The following CADM2 variants were observed in gnomAD, a reference collection of about 807,000 sequenced individuals.
CADM2 encodes cell adhesion molecule 2, also known as immunoglobulin superfamily member 4D.
In CADM2, 12 loss-of-function variants were observed where a neutral mutation model predicts 49.8. That is an observed-to-expected ratio of 0.24 (90% confidence interval 0.15 to 0.39). CADM2 has a LOEUF of 0.39. CADM2 is among the 10% of genes least tolerant of loss of function. The probability of loss-of-function intolerance (pLI) is 1.00; values close to 1 mark genes in which losing one functional copy is unlikely to be tolerated. For synonymous variants in CADM2, 214 were observed against 175.4 expected, an observed-to-expected ratio of 1.22 and a Z score of -1.74; for missense variants, 378 against 492.3, an observed-to-expected ratio of 0.77 and a Z score of 2.20.
chr3:85,832,583 A>T (rs1421888575), intron 3 of CADM2, among the ~76,000 whole-genome samples: 2 of 151,470 alleles, frequency 1.3e-5, no homozygotes, highest in Non-Finnish European at 3.0e-5. Flanking sequence ...GCATGGGATC[A>T]TGTTCTTGAT....
At chr3:85,729,135 A>T (rs1301473577) in intron 2 of CADM2, among the ~76,000 whole-genome samples, 1 of 152,100 alleles carries the variant, frequency 6.6e-6, no homozygotes, top group Non-Finnish European at 1.5e-5. Flanking sequence ...CCTGATGAAC[A>T]TATTATATTC....
At chr3:86,041,639 T>C (rs965680730) in intron 8 of CADM2, among the ~76,000 whole-genome samples, 1 of 152,126 alleles carries the variant, frequency 6.6e-6, no homozygotes, top group African/African-American at 2.4e-5. Context: ...AATGGGAGAC[T>C]TTAACACCCC....
At chr3:85,416,821 A>G (rs1030278082) in intron 1 of CADM2, among the ~76,000 whole-genome samples, 2 of 152,206 alleles carry the variant, frequency 1.3e-5, no homozygotes, top group African/African-American at 4.8e-5. Context: ...ACTATCATCA[A>G]TGAACAATTC....
chr3:85,161,944 G>C (rs1216352948), intron 1 of CADM2, among the ~76,000 whole-genome samples: 4 of 152,082 alleles, frequency 2.6e-5, no homozygotes, highest in African/African-American at 9.7e-5. Context: ...GGGATGGGGA[G>C]GTTGCAGTGA....
intron 6 of CADM2, among the ~76,000 whole-genome samples, chr3:85,927,236 T>G (rs915725523): frequency 3.3e-5 from 5 of 152,204 alleles, no homozygotes; most frequent in Non-Finnish European, 5.9e-5. Context: ...AAAAGACCAT[T>G]ATTCATTTAT....
At chr3:85,997,617 AT>A (rs1256506767) in intron 8 of CADM2, among the ~76,000 whole-genome samples, 1 of 152,170 alleles carries the variant, frequency 6.6e-6, no homozygotes, top group Non-Finnish European at 1.5e-5. Context: ...ACTATGTTTG[AT>A]GAATTTTAGA....
rs7629531 is a variant in CADM2 at position 86,013,038 on chromosome 3, T to C, written c.970+51391T>C. On this transcript the variant is annotated intron_variant, in intron 8 of 9. Coordinates refer to ENST00000383699, the MANE Select transcript of CADM2 (RefSeq NM_001167675.2). Reference sequence around the variant, plus strand: ...TCGATTATGTGCCAAACATGAGACCTCTATGATCTGTAGAACTAGTCCTTA... The same window carrying C: ...TCGATTATGTGCCAAACATGAGACCCCTATGATCTGTAGAACTAGTCCTTA... The C allele has an allele frequency of 7.8e-3, 8,652 of 1,106,498 alleles. 206 individuals carry two copies. Among genetic ancestry groups the C allele is most frequent in the African/African-American group, 0.062 (4,027 of 65,214 alleles). 68.5% of individuals were successfully genotyped at this position (1,106,498 alleles called of 1,614,324 possible).
At chr3:85,246,555 C>T (rs1360146165) in intron 1 of CADM2, among the ~76,000 whole-genome samples, 1 of 151,996 alleles carries the variant, frequency 6.6e-6, no homozygotes, top group Non-Finnish European at 1.5e-5. Flanking sequence ...GGTTATTTAG[C>T]ATTTCTTATT....
At chr3:85,853,577 T>A (rs1211388484) in intron 3 of CADM2, among the ~76,000 whole-genome samples, 1 of 151,944 alleles carries the variant, frequency 6.6e-6, no homozygotes, top group Non-Finnish European at 1.5e-5. Context: ...TTAATACCAC[T>A]TATAAATTTG....
intron 1 of CADM2, among the ~76,000 whole-genome samples, chr3:85,308,309 CT>C (rs2107031410): frequency 8.3e-6 from 1 of 119,960 alleles, no homozygotes; most frequent in African/African-American, 4.1e-5. Context: ...ATCTACCTCT[CT>C]ACACACACAC....
intron 1 of CADM2, among the ~76,000 whole-genome samples, chr3:85,696,288 T>C (rs73147222): frequency 0.027 from 4,144 of 152,188 alleles, 141 homozygotes; most frequent in African/African-American, 0.068. Context: ...CATTTATTTA[T>C]TGTTATTTTG....
At chr3:85,409,054 G>A (rs2035536967) in intron 1 of CADM2, among the ~76,000 whole-genome samples, 1 of 152,046 alleles carries the variant, frequency 6.6e-6, no homozygotes, top group Non-Finnish European at 1.5e-5. Flanking sequence ...TCACTTCATT[G>A]TGGTTTACTT....
At position 86,068,180 on chromosome 3, in the gene CADM2, C is replaced by G. The variant is rs925786735; in HGVS notation, c.*1397C>G. 3 of 152,372 alleles carry G rather than the reference C, an allele frequency of 2.0e-5. No homozygotes were observed. The highest frequency in any genetic ancestry group is 4.4e-5 in the Non-Finnish European group (3 of 67,842). 9.4% of individuals were successfully genotyped at this position (152,372 alleles called of 1,614,324 possible). A position where few individuals can be genotyped will look rare whatever the true frequency, so the allele number is the denominator to read the frequency against. On this transcript the variant is annotated 3_prime_UTR_variant, in exon 10 of 10. Transcript: ENST00000383699. ...TGAAACAGTGAGTGATAGAGAATTT[C>G]TGCCATGCTTTTAACTCCAAAGTGA...
intron 1 of CADM2, among the ~76,000 whole-genome samples, chr3:85,374,422 G>T (rs2033464714): frequency 6.6e-6 from 1 of 152,038 alleles, no homozygotes; most frequent in Non-Finnish European, 1.5e-5. Context: ...CATTCAACAA[G>T]TCTGTAGGAT....
chr3:85,531,746 C>T (rs1004507476), intron 1 of CADM2, among the ~76,000 whole-genome samples: 3 of 151,822 alleles, frequency 2.0e-5, no homozygotes, highest in East Asian at 1.9e-4. Flanking sequence ...TATAAATAAA[C>T]GAAATAAAGG....
chr3:85,679,977 AG>A (rs1477179933), intron 1 of CADM2, among the ~76,000 whole-genome samples: 1 of 152,178 alleles, frequency 6.6e-6, no homozygotes, highest in African/African-American at 2.4e-5. Flanking sequence ...ATTTAATACC[AG>A]GAGTGTCCAA....
chr3:85,650,191 A>T (rs1050202213), intron 1 of CADM2, among the ~76,000 whole-genome samples: 7 of 152,296 alleles, frequency 4.6e-5, no homozygotes, highest in African/African-American at 1.7e-4. Flanking sequence ...CAAGCCACAA[A>T]AAGTGAAGCC....
chr3:85,187,190 G>A (rs528020818), intron 1 of CADM2, among the ~76,000 whole-genome samples: 64 of 152,206 alleles, frequency 4.2e-4, no homozygotes, highest in African/African-American at 1.5e-3. Context: ...AAAATGGGTA[G>A]CCTCTCTTTG....
intron 8 of CADM2, among the ~76,000 whole-genome samples, chr3:86,031,359 CCAT>C (rs1240949604): frequency 6.6e-6 from 1 of 151,700 alleles, no homozygotes; most frequent in Non-Finnish European, 1.5e-5. Flanking sequence ...AAGATATGAA[CCAT>C]CTGAGCCTGA....
Sources: allele counts gnomAD v4.1 joint callset (sites outside exome capture counted in the v4.1 genomes callset), GRCh38; gene constraint gnomAD v4.1.1; transcripts MANE v1.5; gene names NCBI Gene and HGNC (gene_info 2026-07-23, HGNC 2026-07-21).